Variants in DCC observed in about 807,000 individuals in gnomAD.
The protein encoded by DCC is netrin receptor DCC.
A neutral mutation model predicts 172.5 loss-of-function variants in DCC; 58 were observed. That is an observed-to-expected ratio of 0.34 (90% confidence interval 0.27 to 0.42). The LOEUF is 0.42. Among genes scored for constraint, DCC ranks in the 10% least tolerant of loss-of-function variants. The pLI, the probability that DCC is intolerant of heterozygous loss-of-function variation, is 1.00. For synonymous variants in DCC, 709 were observed against 644.5 expected, an observed-to-expected ratio of 1.10 and a Z score of -1.52; for missense variants, 1,740 against 1,791.0, an observed-to-expected ratio of 0.97 and a Z score of 0.51.
intron 1 of DCC, among the ~76,000 whole-genome samples, chr18:52,740,754 T>C (rs1239848111): frequency 6.6e-6 from 1 of 152,236 alleles, no homozygotes; most frequent in Admixed American, 6.5e-5. Flanking sequence ...TTATGGATAA[T>C]GAGGTAGGTT....
intron 2 of DCC, among the ~76,000 whole-genome samples, chr18:52,828,538 T>C (rs7230699): frequency 0.25 from 37,811 of 151,836 alleles, 4,880 homozygotes; most frequent in South Asian, 0.3. Context: ...GTAGCCAGTG[T>C]GTAATCTTTA....
intron 27 of DCC, among the ~76,000 whole-genome samples, chr18:53,509,751 T>TTTGTCATCACCCTCAA (rs2046227629): frequency 6.6e-6 from 1 of 152,206 alleles, no homozygotes; most frequent in Non-Finnish European, 1.5e-5. Flanking sequence ...GACCTGCTGT[T>TTTGTCATCACCCTCAA]TTGTCATCAC....
rs181276197 is a variant in DCC at position 52,498,579 on chromosome 18, A to G, written c.91+157701A>G. On this transcript the variant is annotated intron_variant, in intron 1 of 28. Transcript: ENST00000442544. ...GCAGAAGTTGCAGTGAGCCGAGATCATGCCACTGCACTCCAGCCTGGGACA... is the reference window on the plus strand; with the variant it reads ...GCAGAAGTTGCAGTGAGCCGAGATCGTGCCACTGCACTCCAGCCTGGGACA... 5.5e-3 allele frequency among the ~76,000 whole-genome samples: 836 copies of G among 152,216 alleles called. 10 individuals are homozygous for G. Among genetic ancestry groups the G allele is most frequent in the African/African-American group, 0.019 (806 of 41,540 alleles).
chr18:52,967,641 A>G (rs1162162782), intron 5 of DCC, among the ~76,000 whole-genome samples: 1 of 152,122 alleles, frequency 6.6e-6, no homozygotes, highest in African/African-American at 2.4e-5. Flanking sequence ...ACTTTCTTCT[A>G]GATTTACCAC....
At chr18:52,605,705 C>G (rs1383066424) in intron 1 of DCC, among the ~76,000 whole-genome samples, 1 of 152,092 alleles carries the variant, frequency 6.6e-6, no homozygotes, top group Non-Finnish European at 1.5e-5. Flanking sequence ...TATTGCTATC[C>G]TTACTCTTTC....
Position 52,484,719 on chromosome 18 carries a change from G to C in DCC, c.91+143841G>C, listed in dbSNP as rs779553579. 2.6e-5 allele frequency among the ~76,000 whole-genome samples: 4 copies of C among 151,916 alleles called. No homozygotes were observed. In the East Asian group the frequency reaches 7.8e-4, roughly 30 times the overall value. On this transcript the variant is annotated intron_variant, in intron 1 of 28. Transcript: ENST00000442544. ...TACCAAGAGCAAAAAGAAATTGAGT[G>C]GCTTGCTGCACCTATCAAACCACCA...
intron 2 of DCC, among the ~76,000 whole-genome samples, chr18:52,870,669 C>G (rs1457097934): frequency 6.6e-6 from 1 of 151,736 alleles, no homozygotes; most frequent in Admixed American, 6.6e-5. Flanking sequence ...CCACCTTGAC[C>G]TGCCAATCAG....
intron 12 of DCC, among the ~76,000 whole-genome samples, chr18:53,273,091 C>G (rs1372212037): frequency 5.9e-5 from 9 of 152,046 alleles, no homozygotes; most frequent in Admixed American, 5.9e-4. Context: ...CCTGCATTTT[C>G]AAGAGCAGTA....
intron 5 of DCC, among the ~76,000 whole-genome samples, chr18:52,997,534 G>A (rs2041500762): frequency 6.6e-6 from 1 of 152,032 alleles, no homozygotes; most frequent in African/African-American, 2.4e-5. Context: ...GTTAGTGTGA[G>A]AACTTGAAGA....
chr18:52,875,029 C>A (rs1352560534), intron 2 of DCC, among the ~76,000 whole-genome samples: 1 of 151,994 alleles, frequency 6.6e-6, no homozygotes, highest in Non-Finnish European at 1.5e-5. Flanking sequence ...GGAATATTGC[C>A]TTCTGGGGTG....
intron 23 of DCC, among the ~76,000 whole-genome samples, chr18:53,458,641 G>A (rs922375604): frequency 2.6e-5 from 4 of 152,222 alleles, no homozygotes; most frequent in African/African-American, 9.6e-5. Context: ...CAAAGGATCT[G>A]TCTCACTGTG....
At chr18:52,793,149 A>T (rs2037808768) in intron 2 of DCC, among the ~76,000 whole-genome samples, 1 of 152,134 alleles carries the variant, frequency 6.6e-6, no homozygotes, top group African/African-American at 2.4e-5. Flanking sequence ...ATCACATATG[A>T]TGTTTACATA....
At chr18:53,316,735 T>TC in intron 13 of DCC, among the ~76,000 whole-genome samples, 2 of 152,292 alleles carry the variant, frequency 1.3e-5, no homozygotes, top group South Asian at 4.1e-4. Flanking sequence ...GAATGGGAGT[T>TC]CACTTATGGT....
chr18:52,584,666 G>A (rs2033629542), intron 1 of DCC, among the ~76,000 whole-genome samples: 1 of 152,040 alleles, frequency 6.6e-6, no homozygotes, highest in East Asian at 1.9e-4. Flanking sequence ...CTCCTGAGGA[G>A]CTGGGACTAC....
intron 1 of DCC, among the ~76,000 whole-genome samples, chr18:52,374,002 C>T (rs1012777242): frequency 6.6e-6 from 1 of 151,202 alleles, no homozygotes; most frequent in Non-Finnish European, 1.5e-5. Context: ...CACCATTCTC[C>T]TTCCTCAGCC....
chr18:52,790,102 C>G (rs1351543599), intron 2 of DCC, among the ~76,000 whole-genome samples: 1 of 152,218 alleles, frequency 6.6e-6, no homozygotes, highest in East Asian at 1.9e-4. Context: ...TGACTTAGCA[C>G]AGGAAGATAC....
At chr18:53,404,662 C>T (rs1043172268) in intron 19 of DCC, among the ~76,000 whole-genome samples, 1 of 151,736 alleles carries the variant, frequency 6.6e-6, no homozygotes, top group Non-Finnish European at 1.5e-5. Context: ...ACCCACGAGG[C>T]GGAGCTTGCA....
At chr18:52,968,773 G>A (rs1304198950) in intron 5 of DCC, among the ~76,000 whole-genome samples, 1 of 152,056 alleles carries the variant, frequency 6.6e-6, no homozygotes, top group Non-Finnish European at 1.5e-5. Context: ...ATCTTAAATG[G>A]TAAATTTAAA....
At chr18:53,006,475 A>G (rs1274125426) in intron 5 of DCC, among the ~76,000 whole-genome samples, 1 of 152,222 alleles carries the variant, frequency 6.6e-6, no homozygotes, top group East Asian at 1.9e-4. Context: ...CAAAAGAGAA[A>G]CTAGAGATGT....
Sources: allele counts gnomAD v4.1 joint callset (sites outside exome capture counted in the v4.1 genomes callset), GRCh38; gene constraint gnomAD v4.1.1; transcripts MANE v1.5; gene names NCBI Gene and HGNC (gene_info 2026-07-23, HGNC 2026-07-21).